Variants in SEMA6A observed in about 807,000 individuals in gnomAD.
The protein encoded by SEMA6A is semaphorin-6A.
A neutral mutation model predicts 96.8 loss-of-function variants in SEMA6A; 25 were observed. The observed-to-expected ratio is 0.26, with a 90% CI of 0.19 to 0.36. The LOEUF is 0.36. Among genes scored for constraint, SEMA6A ranks in the 10% least tolerant of loss-of-function variants. The probability of loss-of-function intolerance (pLI) is 1.00; values close to 1 mark genes in which losing one functional copy is unlikely to be tolerated. For synonymous variants in SEMA6A, 612 were observed against 518.0 expected (o/e 1.18, Z -2.46); for missense variants, 1,363 against 1,323.1 (o/e 1.03, Z -0.47).
intron 1 of SEMA6A, among the ~76,000 whole-genome samples, chr5:116,527,500 T>C (rs946038251): frequency 6.6e-6 from 1 of 152,174 alleles, no homozygotes; most frequent in Non-Finnish European, 1.5e-5. Flanking sequence ...TGATCTTTTA[T>C]ACCCAATAAG....
chr5:116,500,595 G>A (rs370190302), intron 3 of SEMA6A, among the ~76,000 whole-genome samples: 1 of 152,064 alleles, frequency 6.6e-6, no homozygotes, highest in African/African-American at 2.4e-5. Flanking sequence ...TTTTAGTCTA[G>A]CCCCTTTTTT....
At chr5:116,523,738 A>T (rs1469300419) in intron 1 of SEMA6A, among the ~76,000 whole-genome samples, 1 of 152,228 alleles carries the variant, frequency 6.6e-6, no homozygotes, top group Non-Finnish European at 1.5e-5. Context: ...TCTGTGTTCC[A>T]TACCCAGAGA....
chr5:116,518,344 T>C (rs1201239392), intron 1 of SEMA6A, among the ~76,000 whole-genome samples: 2 of 152,160 alleles, frequency 1.3e-5, no homozygotes, highest in African/African-American at 4.8e-5. Context: ...ATAACTTGGA[T>C]ACAAGGTTAA....
At chr5:116,546,675 G>A in intron 1 of SEMA6A, among the ~76,000 whole-genome samples, 1 of 152,150 alleles carries the variant, frequency 6.6e-6, no homozygotes, top group East Asian at 1.9e-4. Flanking sequence ...TAATCACTGG[G>A]AGTTCTTTTG....
intron 18 of SEMA6A, among the ~76,000 whole-genome samples, chr5:116,448,998 AT>A (rs948479997): frequency 6.6e-6 from 1 of 152,204 alleles, no homozygotes; most frequent in Non-Finnish European, 1.5e-5. Flanking sequence ...CCCATCCGTA[AT>A]CTTACACTAC....
chr5:116,541,036 G>A (rs955845515), intron 1 of SEMA6A, among the ~76,000 whole-genome samples: 7 of 152,124 alleles, frequency 4.6e-5, no homozygotes, highest in African/African-American at 7.2e-5. Flanking sequence ...TTGTTCTGCC[G>A]CACTTGATAC....
chr5:116,450,896 C>T (rs1019986134), intron 18 of SEMA6A, among the ~76,000 whole-genome samples: 1 of 152,118 alleles, frequency 6.6e-6, no homozygotes, highest in South Asian at 2.1e-4. Context: ...TTGGAAATGC[C>T]TTTCAAACTT....
intron 1 of SEMA6A, among the ~76,000 whole-genome samples, chr5:116,517,417 G>A (rs1758722373): frequency 6.6e-6 from 1 of 151,960 alleles, no homozygotes. Flanking sequence ...GCTAAAATGA[G>A]AACGTCTCTT....
At chr5:116,563,333 C>G (rs929491904) in intron 1 of SEMA6A, among the ~76,000 whole-genome samples, 1 of 152,172 alleles carries the variant, frequency 6.6e-6, no homozygotes, top group African/African-American at 2.4e-5. Flanking sequence ...GATTCAAATA[C>G]TCCACACCAC....
intron 3 of SEMA6A, among the ~76,000 whole-genome samples, chr5:116,501,463 G>C (rs1488397789): frequency 1.3e-5 from 2 of 151,980 alleles, no homozygotes; most frequent in Non-Finnish European, 2.9e-5. Context: ...GGTTGTCATT[G>C]CCGTTCTTTC....
chr5:116,528,041 A>C (rs1176733241), intron 1 of SEMA6A, among the ~76,000 whole-genome samples: 1 of 152,226 alleles, frequency 6.6e-6, no homozygotes, highest in South Asian at 2.1e-4. Flanking sequence ...CCTGTAGGTC[A>C]TATCATTTAG....
At chr5:116,549,898 G>A (rs549839949) in intron 1 of SEMA6A, among the ~76,000 whole-genome samples, 7 of 152,060 alleles carry the variant, frequency 4.6e-5, no homozygotes, top group Middle Eastern at 3.2e-3. Context: ...CTGTACGATC[G>A]GTCACGGCAC....
At chr5:116,500,049 G>C (rs749797878) in intron 3 of SEMA6A, among the ~76,000 whole-genome samples, 1 of 152,184 alleles carries the variant, frequency 6.6e-6, no homozygotes, top group South Asian at 2.1e-4. Context: ...TCAGCCCTTA[G>C]ATAATTGAGT....
intron 1 of SEMA6A, among the ~76,000 whole-genome samples, chr5:116,551,407 G>T (rs1760404554): frequency 6.6e-6 from 1 of 151,420 alleles, no homozygotes; most frequent in East Asian, 1.9e-4. Context: ...CAAAGCAGAA[G>T]ATTTGGGGGG....
intron 11 of SEMA6A, among the ~76,000 whole-genome samples, chr5:116,481,360 TGACTTAA>T (rs1402770637): frequency 1.3e-5 from 2 of 152,150 alleles, no homozygotes; most frequent in African/African-American, 2.4e-5. Flanking sequence ...TCCCAGGCAA[TGACTTAA>T]GACTATCTGT....
intron 15 of SEMA6A, among the ~76,000 whole-genome samples, chr5:116,476,848 A>G (rs771625344): frequency 1.6e-4 from 25 of 152,372 alleles, no homozygotes; most frequent in Middle Eastern, 3.4e-3. Flanking sequence ...TTCTAATAAT[A>G]TACAGAGACT....
chr5:116,494,765 A>G (rs970004828), intron 6 of SEMA6A, among the ~76,000 whole-genome samples: 1 of 152,214 alleles, frequency 6.6e-6, no homozygotes, highest in Non-Finnish European at 1.5e-5. Flanking sequence ...TGTACAAGGA[A>G]GGCTAACAGT....
chr5:116,460,854 C>T (rs997235523), intron 18 of SEMA6A, among the ~76,000 whole-genome samples: 1 of 149,776 alleles, frequency 6.7e-6, no homozygotes, highest in Non-Finnish European at 1.5e-5. Context: ...GGCACGATCT[C>T]GGCTGACTGC....
intron 18 of SEMA6A, among the ~76,000 whole-genome samples, chr5:116,448,036 A>C (rs1300433214): frequency 6.6e-6 from 1 of 152,052 alleles, no homozygotes; most frequent in Admixed American, 6.6e-5. Context: ...TTTGTTGTCT[A>C]AAAAAGTGCT....
Sources: allele counts gnomAD v4.1 joint callset (sites outside exome capture counted in the v4.1 genomes callset), GRCh38; gene constraint gnomAD v4.1.1; transcripts MANE v1.5; gene names NCBI Gene and HGNC (gene_info 2026-07-23, HGNC 2026-07-21).